APC: variants seen among roughly 807,000 people sequenced by gnomAD.
APC encodes adenomatous polyposis coli protein.
Under a neutral mutation model 247.0 loss-of-function variants are expected in APC, and 72 were observed. That is an observed-to-expected ratio of 0.29 (90% CI 0.24 to 0.35). APC has a LOEUF of 0.35. Among genes scored for constraint, APC ranks in the 10% least tolerant of loss-of-function variants. The probability of loss-of-function intolerance (pLI) is 1.00; values close to 1 mark genes in which losing one functional copy is unlikely to be tolerated. For missense variants in APC, 3,400 were observed against 3,360.7 expected (o/e 1.01, Z -0.29); for synonymous variants, 1,254 against 1,162.5 (o/e 1.08, Z -1.60).
intron 1 of APC, among the ~76,000 whole-genome samples, chr5:112,752,619 T>C (rs1271298480): frequency 6.6e-6 from 1 of 152,172 alleles, no homozygotes; most frequent in African/African-American, 2.4e-5. Flanking sequence ...GTTTCAAATT[T>C]GAAAAATGTT....
Position 112,795,323 on chromosome 5 carries a change from G to A in APC, c.729+2794G>A, listed in dbSNP as rs117733195. 2.8e-4 allele frequency among the ~76,000 whole-genome samples: 43 copies of A among 152,320 alleles called. No homozygotes were observed. In the East Asian group the frequency reaches 7.7e-3, roughly 27 times the overall value. ...TTACAGGCATAAGCCACCGTTCCCAGCCTTTTCCAGCACTTCAGTGTATTC... is the reference window on the plus strand; with the variant it reads ...TTACAGGCATAAGCCACCGTTCCCAACCTTTTCCAGCACTTCAGTGTATTC... On this transcript the variant is annotated intron_variant, in intron 7 of 15. Transcript: ENST00000257430.
rs758529145 is a variant in APC, at chr5:112,845,909, CAGAT to C, written c.*1786_*1789del. The C allele has an allele frequency of 1.6e-4, 36 of 232,252 alleles. No homozygotes were observed. Among genetic ancestry groups the C allele is most frequent in the Non-Finnish European group, 1.8e-4 (21 of 117,472 alleles). 14.4% of individuals were successfully genotyped at this position (232,252 alleles called of 1,614,324 possible). The stretch of plus-strand genomic sequence containing the variant: ...ACCTTTTTAAGCATGGTGGGGCACT[CAGAT>C]AGGAGTGAATACACCTACCTGGTGC... On this transcript the variant is annotated 3_prime_UTR_variant, in exon 16 of 16. Transcript: ENST00000257430.
Position 112,828,976 on chromosome 5 carries a change from C to T in APC, c.1743+4C>T, listed in dbSNP as rs2149818650. 6.3e-7 allele frequency: 1 copy of T among 1,591,258 alleles called. No individual in the cohort carries two copies. The highest frequency in any genetic ancestry group is 8.6e-7 in the Non-Finnish European group (1 of 1,159,504). ...ATGTGCTTTAGAAGTTAAAAAGGTA[C>T]CTTTGAAAACATTTAGTACTATAAT... On this transcript the variant is annotated splice_donor_region_variant and intron_variant, in intron 14 of 15. Transcript: ENST00000257430.
chr5:112,765,922 G>C (rs985592383), intron 2 of APC, among the ~76,000 whole-genome samples: 12 of 152,060 alleles, frequency 7.9e-5, no homozygotes, highest in Non-Finnish European at 1.3e-4. Context: ...GTGTTAATTT[G>C]GTGTTTTTTA....
At chr5:112,730,673 A>G (rs1019710522) in intron 1 of APC, among the ~76,000 whole-genome samples, 9 of 152,150 alleles carry the variant, frequency 5.9e-5, no homozygotes, top group Non-Finnish European at 1.2e-4. Context: ...AGCAATCTTG[A>G]ATTAATTTGT....
At chr5:112,751,247 A>G (rs1183926610) in intron 1 of APC, among the ~76,000 whole-genome samples, 1 of 152,112 alleles carries the variant, frequency 6.6e-6, no homozygotes, top group Non-Finnish European at 1.5e-5. Context: ...TTGGTACAAT[A>G]TAGTTAACTA....
chr5:112,782,704 C>T (rs1459026545), intron 6 of APC, among the ~76,000 whole-genome samples: 1 of 152,046 alleles, frequency 6.6e-6, no homozygotes, highest in African/African-American at 2.4e-5. Context: ...AAGTATGTTT[C>T]TGATATTAGA....
chr5:112,768,686 T>C (rs1342463306), intron 4 of APC, among the ~76,000 whole-genome samples: 2 of 152,194 alleles, frequency 1.3e-5, no homozygotes, highest in African/African-American at 2.4e-5. Context: ...TATTTGAAAC[T>C]ATGTAATATT....
intron 2 of APC, among the ~76,000 whole-genome samples, chr5:112,756,605 G>A (rs1212155462): frequency 6.6e-6 from 1 of 152,138 alleles, no homozygotes; most frequent in Non-Finnish European, 1.5e-5. Context: ...GATAGTACAT[G>A]TCTGTTTTGT....
chr5:112,789,509 A>G (rs1447840308), intron 6 of APC, among the ~76,000 whole-genome samples: 1 of 152,222 alleles, frequency 6.6e-6, no homozygotes, highest in Non-Finnish European at 1.5e-5. Flanking sequence ...ATTTAGTGAG[A>G]TACTGGCAAT....
chr5:112,791,505 A>T (rs1367344671), intron 6 of APC, among the ~76,000 whole-genome samples: 1 of 152,124 alleles, frequency 6.6e-6, no homozygotes, highest in East Asian at 1.9e-4. Context: ...CCCGCTTGTG[A>T]ACTGCACATG....
At chr5:112,799,807 A>G (rs1015135394) in intron 7 of APC, among the ~76,000 whole-genome samples, 4 of 152,026 alleles carry the variant, frequency 2.6e-5, no homozygotes, top group Non-Finnish European at 5.9e-5. Context: ...ATTCGTTGAC[A>G]CGCTAAAACA....
rs1301159894 is a variant in APC, at chr5:112,819,164, G to A, written c.1132G>A (p.Glu378Lys). 1 of 1,614,030 alleles carries A rather than the reference G, an allele frequency of 6.2e-7. No homozygotes were observed. The highest frequency in any genetic ancestry group is 8.5e-7 in the Non-Finnish European group (1 of 1,179,996). Residue 378 changes from glutamate to lysine, a missense_variant, in exon 10 of 16, where the codon GAG (glutamate) becomes AAG (lysine). Physicochemically the swap from Glu to Lys is moderately conservative, Grantham distance 56 (BLOSUM62 1). Coordinates refer to ENST00000257430, the MANE Select transcript of APC (RefSeq NM_000038.6). ...GTTGGGAAATTCCCGGGGCAGTAAAGAGGCTCGGGCCAGGGCCAGTGCAGC... is the reference window on the plus strand; with the variant it reads ...GTTGGGAAATTCCCGGGGCAGTAAAAAGGCTCGGGCCAGGGCCAGTGCAGC... Reference protein sequence around the residue: ...VLLGNSRGSKEARARASAALH... With the variant: ...VLLGNSRGSKKARARASAALH...
At chr5:112,721,312 G>A (rs1186201243) in intron 1 of APC, among the ~76,000 whole-genome samples, 1 of 152,118 alleles carries the variant, frequency 6.6e-6, no homozygotes, top group East Asian at 1.9e-4. Context: ...TACTCGAGAG[G>A]CTGAGGCATG....
At position 112,838,332 on chromosome 5, in the gene APC, A is replaced by G. The variant is rs762572576; in HGVS notation, c.2738A>G (p.His913Arg). Residue 913 changes from histidine (H) to arginine (R), a missense_variant, in exon 16 of 16, where the codon CAT becomes CGT. By Grantham distance (29) the His-to-Arg change is conservative. Transcript: ENST00000257430. Reference sequence around the variant, plus strand: ...AGTTCTGGGTCTACCACTGAATTACATTGTGTGACAGATGAGAGAAATGCA... The same window carrying G: ...AGTTCTGGGTCTACCACTGAATTACGTTGTGTGACAGATGAGAGAAATGCA... ...DRSSGSTTEL[H>R]CVTDERNALR... 5.6e-6 allele frequency: 9 copies of G among 1,614,104 alleles called. 1 individual carries two copies. In the African/African-American group the frequency reaches 1.2e-4, roughly 22 times the overall value.
chr5:112,798,123 A>G (rs1760404107), intron 7 of APC, among the ~76,000 whole-genome samples: 1 of 152,246 alleles, frequency 6.6e-6, no homozygotes, highest in Non-Finnish European at 1.5e-5. Context: ...TTAGACTTGT[A>G]TGTTCATTCA....
chr5:112,765,890 T>A (rs1756244265), intron 2 of APC, among the ~76,000 whole-genome samples: 1 of 152,196 alleles, frequency 6.6e-6, no homozygotes, highest in Non-Finnish European at 1.5e-5. Flanking sequence ...AGCTTGAATG[T>A]TGAAGTTGTT....
intron 2 of APC, among the ~76,000 whole-genome samples, chr5:112,764,639 T>G (rs1403130048): frequency 6.6e-6 from 1 of 152,220 alleles, no homozygotes; most frequent in African/African-American, 2.4e-5. Context: ...AAAGTGAGTC[T>G]GAAGTTTGCA....
upstream of APC, among the ~76,000 whole-genome samples, chr5:112,736,839 G>A (rs534394357): frequency 4.6e-5 from 7 of 152,252 alleles, no homozygotes; most frequent in South Asian, 1.2e-3. Flanking sequence ...GCTTGAACCC[G>A]GGAGGTGGAG....
Sources: gnomAD v4.1 joint callset for allele counts (sites outside exome capture counted in the v4.1 genomes callset) on GRCh38, gnomAD v4.1.1 for gene constraint, MANE v1.5 for transcripts, NCBI Gene and HGNC (gene_info 2026-07-23, HGNC 2026-07-21) for gene names.